The following STRN variants were observed in gnomAD, a reference collection of about 807,000 sequenced individuals.
STRN encodes striatin.
STRN carries 53 observed loss-of-function variants against 96.3 expected under a neutral mutation model. That is an observed-to-expected ratio of 0.55 (90% CI 0.44 to 0.69). STRN has a LOEUF of 0.69. Ranked by LOEUF, STRN falls within the 30% of genes least tolerant of loss-of-function variation. The pLI is 0.00. For missense variants in STRN, 987 were observed against 963.9 expected, an observed-to-expected ratio of 1.02 and a Z score of -0.32; for synonymous variants, 428 against 355.9, an observed-to-expected ratio of 1.20 and a Z score of -2.28.
At chr2:36,897,036 G>A (rs561851475) in intron 6 of STRN, among the ~76,000 whole-genome samples, 1 of 152,048 alleles carries the variant, frequency 6.6e-6, no homozygotes, top group African/African-American at 2.4e-5. Flanking sequence ...GTGTGGTGGT[G>A]CATGCTTGTA....
intron 9 of STRN, among the ~76,000 whole-genome samples, chr2:36,879,329 CA>C (rs1429942252): frequency 7.2e-5 from 11 of 152,330 alleles, no homozygotes; most frequent in Admixed American, 5.9e-4. Context: ...CTTGGCCTCC[CA>C]AAGTGCTGGG....
chr2:36,852,562 T>A (rs1036877508), intron 15 of STRN, among the ~76,000 whole-genome samples: 4 of 151,984 alleles, frequency 2.6e-5, no homozygotes, highest in Admixed American at 2.0e-4. Flanking sequence ...ATATATAGAG[T>A]GAAAAAGCAA....
At position 36,901,449 on chromosome 2, in the gene STRN, G is replaced by A. The variant is rs112659299; in HGVS notation, c.659+1135C>T. Reference sequence around the variant, plus strand: ...CGCCTGTAGTCTCAGCTACTCGGGAGGCTGAGGCAGGAGAATGGCGTGAAC... The same window carrying A: ...CGCCTGTAGTCTCAGCTACTCGGGAAGCTGAGGCAGGAGAATGGCGTGAAC... On this transcript the variant is annotated intron_variant, in intron 5 of 17. Transcript: ENST00000263918. 9.8e-3 allele frequency among the ~76,000 whole-genome samples: 1,495 copies of A among 151,784 alleles called. 37 individuals carry two copies. Among genetic ancestry groups the A allele is most frequent in the African/African-American group, 0.035 (1,433 of 41,366 alleles).
chr2:36,847,057 C>G lies in STRN; in HGVS notation c.*2399G>C, dbSNP rs1289571977. On this transcript the variant is annotated 3_prime_UTR_variant, in exon 18 of 18. Coordinates refer to ENST00000263918, the MANE Select transcript of STRN (RefSeq NM_003162.4). Reference sequence around the variant, plus strand: ...TGTATATGCTACTCTGGTTGGAAGACAGCTTTGGCTCATTTCTAGGCTGAG... The same window carrying G: ...TGTATATGCTACTCTGGTTGGAAGAGAGCTTTGGCTCATTTCTAGGCTGAG... 6.6e-6 allele frequency: 1 copy of G among 152,142 alleles called. No homozygotes were observed. The highest frequency in any genetic ancestry group is 1.5e-5 in the Non-Finnish European group (1 of 68,022). 9.4% of individuals were successfully genotyped at this position (152,142 alleles called of 1,614,324 possible).
intron 2 of STRN, among the ~76,000 whole-genome samples, chr2:36,920,814 C>G (rs1343838852): frequency 6.6e-6 from 1 of 152,048 alleles, no homozygotes; most frequent in Non-Finnish European, 1.5e-5. Context: ...CGGTGGCTCA[C>G]GTCTGTGATC....
intron 4 of STRN, 104 bp downstream of exon 4, chr2:36,905,436 A>T: frequency 1.0e-6 from 1 of 993,082 alleles, no homozygotes; most frequent in African/African-American, 1.6e-5. Context: ...CAGCATCTGT[A>T]TGAGATAAAA....
intron 3 of STRN, among the ~76,000 whole-genome samples, chr2:36,905,856 T>A (rs1243174674): frequency 6.6e-6 from 1 of 152,202 alleles, no homozygotes; most frequent in African/African-American, 2.4e-5. Context: ...ATAAATACAT[T>A]TTCCCTGTCT....
intron 6 of STRN, among the ~76,000 whole-genome samples, chr2:36,898,574 G>A (rs766230363): frequency 2.6e-5 from 4 of 152,100 alleles, no homozygotes; most frequent in African/African-American, 4.8e-5. Flanking sequence ...GATCATTTTC[G>A]CACATAGTGT....
intron 5 of STRN, among the ~76,000 whole-genome samples, chr2:36,900,680 A>G (rs1424046066): frequency 1.3e-5 from 2 of 152,100 alleles, no homozygotes; most frequent in African/African-American, 4.8e-5. Context: ...CACGAGGTCA[A>G]GAGATTGAGA....
At chr2:36,947,856 A>AT (rs1187474672) in intron 1 of STRN, among the ~76,000 whole-genome samples, 1 of 151,542 alleles carries the variant, frequency 6.6e-6, no homozygotes, top group Non-Finnish European at 1.5e-5. Flanking sequence ...GACAGTAAGT[A>AT]TTTTTTTCAA....
chr2:36,895,273 G>A (rs1020782892), intron 6 of STRN, among the ~76,000 whole-genome samples: 1 of 151,512 alleles, frequency 6.6e-6, no homozygotes, highest in Non-Finnish European at 1.5e-5. Flanking sequence ...CTTGCAGTGA[G>A]CCAAGATCGC....
intron 3 of STRN, among the ~76,000 whole-genome samples, chr2:36,912,892 C>CT (rs1407121618): frequency 6.6e-6 from 1 of 152,106 alleles, no homozygotes; most frequent in Non-Finnish European, 1.5e-5. Flanking sequence ...CTGACTCATC[C>CT]TTTTTTCACC....
chr2:36,941,495 T>C (rs1670842936), intron 1 of STRN, among the ~76,000 whole-genome samples: 3 of 152,178 alleles, frequency 2.0e-5, no homozygotes, highest in African/African-American at 7.2e-5. Context: ...TTTCAATGCA[T>C]TTCTCAAGAT....
chr2:36,846,426 TATAG>T lies in STRN; in HGVS notation c.*3026_*3029del, dbSNP rs1473002370. On this transcript the variant is annotated 3_prime_UTR_variant, in exon 18 of 18. Coordinates refer to ENST00000263918, the MANE Select transcript of STRN (RefSeq NM_003162.4). Reference sequence around the variant, plus strand: ...ATATATATATATATATATATATATATATAGTTTATATATTATATATATTCTTACA... The same window carrying T: ...ATATATATATATATATATATATATATTTTATATATTATATATATTCTTACA... The T allele has an allele frequency of 8.5e-4, 103 of 121,848 alleles. 2 individuals carry two copies. The highest frequency in any genetic ancestry group is 2.9e-3 in the African/African-American group (96 of 32,940). 7.5% of individuals were successfully genotyped at this position (121,848 alleles called of 1,614,324 possible).
intron 4 of STRN, among the ~76,000 whole-genome samples, chr2:36,903,737 T>A (rs532901472): frequency 1.3e-5 from 2 of 152,212 alleles, no homozygotes; most frequent in Admixed American, 6.5e-5. Flanking sequence ...AGGGAGTAAG[T>A]GTATCTTACC....
intron 7 of STRN, 111 bp from the exon 8 acceptor site, chr2:36,886,937 A>T: frequency 2.7e-6 from 2 of 752,460 alleles, no homozygotes; most frequent in Non-Finnish European, 4.1e-6. Context: ...TCACTAACTT[A>T]AAAAAAGTCA....
intron 1 of STRN, among the ~76,000 whole-genome samples, chr2:36,963,393 G>A (rs963590809): frequency 3.9e-5 from 6 of 152,154 alleles, no homozygotes; most frequent in African/African-American, 9.7e-5. Flanking sequence ...CAACTGAGCC[G>A]TATTTCATCA....
rs1012618059 is a variant in STRN at position 36,842,067 on chromosome 2, T to C, written c.*7389A>G. On this transcript the variant is annotated 3_prime_UTR_variant, in exon 18 of 18. Transcript: ENST00000263918. The stretch of plus-strand genomic sequence containing the variant: ...TTTGTTTATGCATGAAAAATTATTG[T>C]CTTGGTCCCATTTCCAAAGGGAAGT... 7.2e-5 allele frequency: 11 copies of C among 152,224 alleles called. No individual in the cohort carries two copies. The highest frequency in any genetic ancestry group is 1.5e-4 in the Non-Finnish European group (10 of 68,040). The allele number at this position is 152,224 out of a possible 1,614,324, so 9.4% of individuals were successfully genotyped here. A position where few individuals can be genotyped will look rare whatever the true frequency, so the allele number is the denominator to read the frequency against.
Position 36,905,609 on chromosome 2 carries a change from T to C in STRN, c.422A>G (p.Asn141Ser). The C allele has an allele frequency of 1.9e-6, 3 of 1,612,962 alleles. No homozygotes were observed. The highest frequency in any genetic ancestry group is 1.1e-5 in the South Asian group (1 of 91,030). Reference sequence around the variant, plus strand: ...TTGTTGTGGCTGCACTTCTGTTTCATTACCTTCATCTAGAAAACATTAAGT... The same window carrying C: ...TTGTTGTGGCTGCACTTCTGTTTCACTACCTTCATCTAGAAAACATTAAGT... ...KPPSYDSDEG[N>S]ETEVQPQQNS... The change falls in exon 4 of 18, where the codon AAT (asparagine) becomes AGT (serine). Residue 141 changes from asparagine (N) to serine (S), a missense_variant. Transcript: ENST00000263918.
Sources: allele counts gnomAD v4.1 joint callset (sites outside exome capture counted in the v4.1 genomes callset), GRCh38; gene constraint gnomAD v4.1.1; transcripts MANE v1.5; gene names NCBI Gene and HGNC (gene_info 2026-07-23, HGNC 2026-07-21).